Variants in PTPN9 observed in about 807,000 individuals in gnomAD.
PTPN9 encodes protein tyrosine phosphatase non-receptor type 9, also known as tyrosine-protein phosphatase non-receptor type 9.
In PTPN9, 26 loss-of-function variants were observed where a neutral mutation model predicts 69.8. That is an observed-to-expected ratio of 0.37 (90% CI 0.27 to 0.52). PTPN9 has a LOEUF of 0.52. Ranked by LOEUF, PTPN9 falls within the 20% of genes least tolerant of loss-of-function variation. The pLI, the probability that PTPN9 is intolerant of heterozygous loss-of-function variation, is 0.91. For missense variants in PTPN9, 549 were observed against 740.3 expected, an observed-to-expected ratio of 0.74 and a Z score of 3.00; for synonymous variants, 274 against 272.5, an observed-to-expected ratio of 1.01 and a Z score of -0.05.
chr15:75,531,992 A>G (rs932288778), intron 1 of PTPN9, among the ~76,000 whole-genome samples: 1 of 152,236 alleles, frequency 6.6e-6, no homozygotes, highest in Admixed American at 6.5e-5. Flanking sequence ...AGCTGGGTAT[A>G]CAATTTCTAA....
In PTPN9 at chr15:75,468,790, C is replaced by T. The variant is rs1166474779; in HGVS notation, c.1761G>A (p.Leu587=). 3 of 1,613,884 alleles carry T rather than the reference C, an allele frequency of 1.9e-6. No homozygotes were observed. In the African/African-American group the frequency reaches 4.0e-5, roughly 22 times the overall value. The change falls in exon 13 of 13, where the codon CTG becomes CTA. Residue 587 remains leucine, a synonymous_variant. Coordinates refer to ENST00000618819, the MANE Select transcript of PTPN9 (RefSeq NM_002833.4). ...KEGMVSSGQN[L]LAVESQ is the part of the protein sequence containing the mutation. ...AGAGTTACTGACTCTCCACGGCCAG[C>T]AGGTTTTGGCCAGAGGATACCATGC...
At chr15:75,512,350 C>T (rs2074849242) in intron 5 of PTPN9, among the ~76,000 whole-genome samples, 1 of 151,972 alleles carries the variant, frequency 6.6e-6, no homozygotes, top group African/African-American at 2.4e-5. Context: ...GATAGGCACA[C>T]ACCACCACAT....
intron 1 of PTPN9, among the ~76,000 whole-genome samples, chr15:75,533,500 A>G (rs1192000389): frequency 1.3e-5 from 2 of 152,078 alleles, no homozygotes; most frequent in Non-Finnish European, 2.9e-5. Flanking sequence ...GGCTCAAGAA[A>G]TCCACCTGCC....
At chr15:75,565,778 G>C (rs1316990786) in intron 1 of PTPN9, among the ~76,000 whole-genome samples, 2 of 152,132 alleles carry the variant, frequency 1.3e-5, no homozygotes, top group African/African-American at 4.8e-5. Flanking sequence ...AGCAGAAGCA[G>C]ACCACCACCA....
chr15:75,578,692 C>G, intron 1 of PTPN9, 22 bp downstream of exon 1: 1 of 1,366,584 alleles, frequency 7.3e-7, no homozygotes, highest in Non-Finnish European at 9.5e-7. Flanking sequence ...ACACCCAACG[C>G]GGCGGCCTCG....
In PTPN9 at chr15:75,506,014, A is replaced by G. The variant is rs112602974; in HGVS notation, c.640-11T>C. ...CTTTAATATTTGAATCTGGAAGGTTAGAAAGAACCATGTGAGTATGTGGGA... is the reference window on the plus strand; with the variant it reads ...CTTTAATATTTGAATCTGGAAGGTTGGAAAGAACCATGTGAGTATGTGGGA... On this transcript the variant is annotated splice_polypyrimidine_tract_variant and intron_variant, in intron 6 of 12. Coordinates refer to ENST00000618819, the MANE Select transcript of PTPN9 (RefSeq NM_002833.4). 17 of 1,586,336 alleles carry G rather than the reference A, an allele frequency of 1.1e-5. No individual in the cohort carries two copies. Among genetic ancestry groups the G allele is most frequent in the African/African-American group, 9.4e-5 (7 of 74,452 alleles).
rs532602176 is a variant in PTPN9, at chr15:75,505,231, T to G, written c.968+444A>C. 2.2e-3 allele frequency among the ~76,000 whole-genome samples: 338 copies of G among 150,246 alleles called. 1 individual carries two copies. Among genetic ancestry groups the G allele is most frequent in the African/African-American group, 7.8e-3 (319 of 40,760 alleles). On this transcript the variant is annotated intron_variant, in intron 7 of 12. Coordinates refer to ENST00000618819, the MANE Select transcript of PTPN9 (RefSeq NM_002833.4). ...AATGGATTAAGGGCGGTGCAAGATG[T>G]GCTTTGTTAAACAGATGCTTGAAGG...
chr15:75,537,441 C>A (rs2074987577), intron 1 of PTPN9, among the ~76,000 whole-genome samples: 1 of 81,402 alleles, frequency 1.2e-5, no homozygotes, highest in Non-Finnish European at 2.2e-5. Flanking sequence ...AAATATCTTC[C>A]CTAAAAAAAA....
chr15:75,543,467 CTT>C (rs1393353866), intron 1 of PTPN9, among the ~76,000 whole-genome samples: 1 of 152,204 alleles, frequency 6.6e-6, no homozygotes, highest in Non-Finnish European at 1.5e-5. Flanking sequence ...GAATCCAAGT[CTT>C]TTCAAATCCT....
chr15:75,566,005 T>C (rs528535291), intron 1 of PTPN9, among the ~76,000 whole-genome samples: 2 of 152,328 alleles, frequency 1.3e-5, no homozygotes, highest in East Asian at 3.9e-4. Context: ...TTTCTTCCTA[T>C]TCTTATCTGA....
intron 5 of PTPN9, among the ~76,000 whole-genome samples, chr15:75,512,283 G>A (rs1036850030): frequency 6.6e-6 from 1 of 151,444 alleles, no homozygotes; most frequent in Non-Finnish European, 1.5e-5. Flanking sequence ...GCTCACTGCA[G>A]CCTCATATCC....
chr15:75,574,302 A>AG (rs1174784482), intron 1 of PTPN9, among the ~76,000 whole-genome samples: 1 of 151,836 alleles, frequency 6.6e-6, no homozygotes, highest in African/African-American at 2.4e-5. Context: ...AAAAAAAAAA[A>AG]AGGCAACCAG....
rs1258033275 is a variant in PTPN9 at position 75,467,283 on chromosome 15, C to T, written c.*1486G>A. ...AATAATAATATACACATTCAAAGAG[C>T]TTATTACAGTATAAAATTATTGAGG... is the stretch of plus-strand genomic sequence containing the variant. On this transcript the variant is annotated 3_prime_UTR_variant, in exon 13 of 13. Coordinates refer to ENST00000618819, the MANE Select transcript of PTPN9 (RefSeq NM_002833.4). The T allele has an allele frequency of 2.0e-5, 3 of 152,522 alleles. No individual in the cohort carries two copies. Among genetic ancestry groups the T allele is most frequent in the Non-Finnish European group, 4.4e-5 (3 of 68,020 alleles). 9.4% of individuals were successfully genotyped at this position (152,522 alleles called of 1,614,324 possible).
At chr15:75,504,147 C>G (rs2074797468) in intron 7 of PTPN9, among the ~76,000 whole-genome samples, 1 of 119,320 alleles carries the variant, frequency 8.4e-6, no homozygotes, top group African/African-American at 3.3e-5. Flanking sequence ...GCCCCCCGCC[C>G]GGACAGCCGC....
At chr15:75,539,333 A>G (rs1207575270) in intron 1 of PTPN9, among the ~76,000 whole-genome samples, 3 of 134,540 alleles carry the variant, frequency 2.2e-5, no homozygotes, top group African/African-American at 8.7e-5. Context: ...TTTTTTTTTG[A>G]GATGGAGTCT....
At chr15:75,540,026 A>G (rs2075001670) in intron 1 of PTPN9, among the ~76,000 whole-genome samples, 1 of 152,170 alleles carries the variant, frequency 6.6e-6, no homozygotes, top group South Asian at 2.1e-4. Context: ...ATTTATTAGG[A>G]AGTGTGAAGT....
chr15:75,463,639 T>C lies in PTPN9; in HGVS notation c.*5130A>G, dbSNP rs745327834. The C allele has an allele frequency of 5.3e-5, 8 of 152,162 alleles. No homozygotes were observed. The highest frequency in any genetic ancestry group is 1.0e-4 in the Non-Finnish European group (7 of 68,044). 9.4% of individuals were successfully genotyped at this position (152,162 alleles called of 1,614,324 possible). ...AAGGTAAAGAAGGGAGATTTAAACA[T>C]TGTAACAGGTTTCAAGGTGCTAGAT... is the stretch of plus-strand genomic sequence containing the variant. On this transcript the variant is annotated 3_prime_UTR_variant, in exon 13 of 13. Transcript: ENST00000618819.
At chr15:75,518,601 T>G (rs1426900340) in intron 4 of PTPN9, among the ~76,000 whole-genome samples, 1 of 151,980 alleles carries the variant, frequency 6.6e-6, no homozygotes, top group African/African-American at 2.4e-5. Context: ...GTGGATCACC[T>G]GAGGTCAGCA....
intron 8 of PTPN9, among the ~76,000 whole-genome samples, chr15:75,481,742 G>T (rs752814567): frequency 0.22 from 10,319 of 46,052 alleles, 1,619 homozygotes; most frequent in Non-Finnish European, 0.29. Flanking sequence ...CGCCCTGTCC[G>T]GGAGGTGAGG....
Sources: allele counts gnomAD v4.1 joint callset (sites outside exome capture counted in the v4.1 genomes callset), GRCh38; gene constraint gnomAD v4.1.1; transcripts MANE v1.5; gene names NCBI Gene and HGNC (gene_info 2026-07-23, HGNC 2026-07-21).